The following GNAT3 variants were observed in gnomAD, a reference collection of about 807,000 sequenced individuals.
GNAT3 encodes G protein subunit alpha transducin 3.
GNAT3 carries 31 observed loss-of-function variants against 37.7 expected under a neutral mutation model. The ratio of observed to expected loss-of-function variants is 0.82; its 90% CI spans 0.62 to 1.11. The LOEUF (loss-of-function observed/expected upper bound fraction) is 1.11. GNAT3 is among the 50% of genes most tolerant of loss of function. The probability of loss-of-function intolerance (pLI) is 0.00; values close to 1 mark genes in which losing one functional copy is unlikely to be tolerated. For synonymous variants in GNAT3, 138 were observed against 139.8 expected (o/e 0.99, Z 0.09); for missense variants, 437 against 412.5 (o/e 1.06, Z -0.51).
At chr7:80,508,948 G>T (rs899806604) in intron 1 of GNAT3, among the ~76,000 whole-genome samples, 1 of 152,020 alleles carries the variant, frequency 6.6e-6, no homozygotes, top group Non-Finnish European at 1.5e-5. Context: ...GTAAATGTAG[G>T]TATTGACTCA....
At chr7:80,467,923 T>A (rs951986285) in intron 5 of GNAT3, among the ~76,000 whole-genome samples, 1 of 151,974 alleles carries the variant, frequency 6.6e-6, no homozygotes, top group Non-Finnish European at 1.5e-5. Flanking sequence ...TTGTGTGGGG[T>A]TTTTTGGTCT....
intron 4 of GNAT3, among the ~76,000 whole-genome samples, chr7:80,477,411 A>G (rs1371704945): frequency 2.0e-5 from 3 of 152,206 alleles, no homozygotes; most frequent in Non-Finnish European, 4.4e-5. Context: ...AAAATGTGGT[A>G]GGTGCTGAGA....
chr7:80,488,212 A>G (rs1485984308), intron 3 of GNAT3, among the ~76,000 whole-genome samples: 1 of 152,154 alleles, frequency 6.6e-6, no homozygotes, highest in Non-Finnish European at 1.5e-5. Context: ...ATGTAGAGAT[A>G]TTGCAAATTG....
At chr7:80,492,323 G>A (rs762998926) in intron 2 of GNAT3, among the ~76,000 whole-genome samples, 19 of 151,892 alleles carry the variant, frequency 1.3e-4, no homozygotes, top group Non-Finnish European at 1.5e-5. Context: ...CAGCCTAGGC[G>A]ACAGAGCGAG....
intron 3 of GNAT3, among the ~76,000 whole-genome samples, chr7:80,480,646 G>T (rs532972041): frequency 1.6e-4 from 24 of 152,228 alleles, no homozygotes; most frequent in African/African-American, 5.8e-4. Flanking sequence ...ACAAGGGGTG[G>T]ATTATTCATG....
intron 1 of GNAT3, among the ~76,000 whole-genome samples, chr7:80,495,814 C>T (rs903541759): frequency 5.3e-5 from 8 of 152,066 alleles, no homozygotes. Context: ...TTGTAGTGAA[C>T]ATTTTCTTAC....
intron 4 of GNAT3, among the ~76,000 whole-genome samples, chr7:80,476,072 A>G (rs563712730): frequency 1.1e-4 from 17 of 152,140 alleles, no homozygotes; most frequent in African/African-American, 4.1e-4. Flanking sequence ...TAGTTCACGC[A>G]AGAGTAAAAA....
At chr7:80,503,883 G>C (rs1483509123) in intron 1 of GNAT3, among the ~76,000 whole-genome samples, 1 of 152,188 alleles carries the variant, frequency 6.6e-6, no homozygotes, top group Non-Finnish European at 1.5e-5. Flanking sequence ...GAGTATAAGA[G>C]AGTACAGACT....
chr7:80,479,063 A>G (rs1015451990), intron 3 of GNAT3, 65 bp from the exon 4 acceptor site: 1 of 1,108,532 alleles, frequency 9.0e-7, no homozygotes, highest in Non-Finnish European at 1.3e-6. Flanking sequence ...ATTTTCTAAT[A>G]GAGTAATTTA....
chr7:80,497,676 A>ACATATACGTATATGTATATACG (rs1361283267), intron 1 of GNAT3, among the ~76,000 whole-genome samples: 2 of 95,874 alleles, frequency 2.1e-5, no homozygotes, highest in African/African-American at 1.8e-4. Context: ...ATATACATAC[A>ACATATACGTATATGTATATACG]TATATACACA....
intron 3 of GNAT3, among the ~76,000 whole-genome samples, chr7:80,484,036 A>G (rs1039859689): frequency 2.0e-5 from 3 of 152,084 alleles, no homozygotes; most frequent in Admixed American, 6.6e-5. Flanking sequence ...GGTTTGTTAC[A>G]TAGGTATACA....
intron 3 of GNAT3, among the ~76,000 whole-genome samples, chr7:80,483,910 T>G (rs2116181403): frequency 6.6e-6 from 1 of 152,276 alleles, no homozygotes; most frequent in East Asian, 1.9e-4. Flanking sequence ...GCTTGGGAAT[T>G]ACAGTGGGCC....
Position 80,478,882 on chromosome 7 carries a change from A to G in GNAT3, c.420T>C (p.Phe140=). 1 of 1,613,410 alleles carries G rather than the reference A, an allele frequency of 6.2e-7. No individual in the cohort carries two copies. Among genetic ancestry groups the G allele is most frequent in the Non-Finnish European group, 8.5e-7 (1 of 1,179,532 alleles). Reference sequence around the variant, plus strand: ...TGAGCTGATATTCAGATGCCCTTTCAAAGCAGGCCTGAATTCCTGGATCTC... The same window carrying G: ...TGAGCTGATATTCAGATGCCCTTTCGAAGCAGGCCTGAATTCCTGGATCTC... The part of the protein sequence containing the change: ...LWRDPGIQAC[F]ERASEYQLND... The change falls in exon 4 of 8, where the codon TTT becomes TTC. Residue 140 remains phenylalanine, a synonymous_variant. Coordinates refer to ENST00000398291, the MANE Select transcript of GNAT3 (RefSeq NM_001102386.3).
chr7:80,477,429 GA>G (rs1025383377), intron 4 of GNAT3, among the ~76,000 whole-genome samples: 1 of 152,102 alleles, frequency 6.6e-6, no homozygotes, highest in Admixed American at 6.6e-5. Context: ...AGACACTTAT[GA>G]AAAGTTATTC....
chr7:80,476,088 CA>C (rs748085814), intron 4 of GNAT3, among the ~76,000 whole-genome samples: 31 of 150,610 alleles, frequency 2.1e-4, no homozygotes, highest in Non-Finnish European at 4.0e-4. Flanking sequence ...AAAAAGAAAA[CA>C]AAAAAAACCC....
intron 1 of GNAT3, among the ~76,000 whole-genome samples, chr7:80,498,227 A>G (rs936094871): frequency 1.3e-5 from 2 of 152,244 alleles, no homozygotes; most frequent in East Asian, 3.9e-4. Flanking sequence ...GGCATTTCCA[A>G]AAGTATTTCT....
At chr7:80,493,608 CTCCTCCTCTTTCCTCT>C (rs1309145153) in intron 2 of GNAT3, among the ~76,000 whole-genome samples, 128 of 116,514 alleles carry the variant, frequency 1.1e-3, no homozygotes, top group African/African-American at 2.6e-3. Flanking sequence ...CTCTTTCCTC[CTCCTCCTCTTTCCTCT>C]TCCTCCTCCT....
At chr7:80,477,198 A>G (rs113997409) in intron 4 of GNAT3, among the ~76,000 whole-genome samples, 2,796 of 152,220 alleles carry the variant, frequency 0.018, 79 homozygotes, top group African/African-American at 0.064. Context: ...CATTTTAACT[A>G]TGTGGTTTGT....
At chr7:80,476,794 G>T (rs1011151300) in intron 4 of GNAT3, among the ~76,000 whole-genome samples, 3 of 151,450 alleles carry the variant, frequency 2.0e-5, no homozygotes, top group Admixed American at 2.0e-4. Context: ...ATTTCTGGAA[G>T]AAAGCAATGA....
Sources: gnomAD v4.1 joint callset for allele counts (sites outside exome capture counted in the v4.1 genomes callset) on GRCh38, gnomAD v4.1.1 for gene constraint, MANE v1.5 for transcripts, NCBI Gene and HGNC (gene_info 2026-07-23, HGNC 2026-07-21) for gene names.